The following SUFU variants were observed in gnomAD, a reference collection of about 807,000 sequenced individuals.
SUFU encodes SUFU negative regulator of hedgehog signaling, also known as suppressor of fused homolog.
A neutral mutation model predicts 58.9 loss-of-function variants in SUFU; 7 were observed. That is an observed-to-expected ratio of 0.12 (90% CI 0.07 to 0.22). The LOEUF (loss-of-function observed/expected upper bound fraction) is 0.22, where lower values mean the gene tolerates loss of function less well. SUFU is among the 10% of genes least tolerant of loss of function. The probability of loss-of-function intolerance (pLI) is 1.00; values close to 1 mark genes in which losing one functional copy is unlikely to be tolerated. For missense variants in SUFU, 451 were observed against 641.3 expected (o/e 0.70, Z 3.20); for synonymous variants, 232 against 254.8 (o/e 0.91, Z 0.85).
At position 102,615,340 on chromosome 10, in the gene SUFU, G is replaced by A. The variant is rs2135930220; in HGVS notation, c.1095G>A (p.Gln365=). 6.2e-7 allele frequency: 1 copy of A among 1,614,170 alleles called. No individual in the cohort carries two copies. Among genetic ancestry groups the A allele is most frequent in the Non-Finnish European group, 8.5e-7 (1 of 1,180,010 alleles). ...CCCATGAGCTGATTCGCACGCGGCA[G>A]CTTGAGAGCGTACATCTGAAATTCA... ...IIPHELIRTR[Q]LESVHLKFNQ... is the part of the protein sequence containing the mutation. Residue 365 remains glutamine (Q), a synonymous_variant, in exon 9 of 12, where the codon CAG becomes CAA. Transcript: ENST00000369902.
intron 2 of SUFU, among the ~76,000 whole-genome samples, chr10:102,519,396 G>A (rs1160649876): frequency 6.6e-5 from 10 of 150,770 alleles, no homozygotes; most frequent in East Asian, 2.0e-4. Flanking sequence ...GCCTGTTGGC[G>A]GGCACCTGTA....
intron 7 of SUFU, 77 bp downstream of exon 7, chr10:102,597,370 A>C: frequency 6.6e-7 from 1 of 1,524,570 alleles, no homozygotes; most frequent in Non-Finnish European, 8.8e-7. Context: ...TCTCTCTAGG[A>C]TGGGTCTCTA....
At chr10:102,613,423 C>T (rs2063646810) in intron 8 of SUFU, among the ~76,000 whole-genome samples, 1 of 152,232 alleles carries the variant, frequency 6.6e-6, no homozygotes, top group Non-Finnish European at 1.5e-5. Context: ...GCACGTCTAA[C>T]CCACTGCCGC....
intron 2 of SUFU, among the ~76,000 whole-genome samples, chr10:102,539,251 G>C (rs2062773531): frequency 6.6e-6 from 1 of 152,144 alleles, no homozygotes; most frequent in African/African-American, 2.4e-5. Flanking sequence ...GAAGAGTACA[G>C]GTCAGTTATT....
chr10:102,518,462 G>GT (rs956149290), intron 2 of SUFU, among the ~76,000 whole-genome samples: 6 of 152,162 alleles, frequency 3.9e-5, no homozygotes, highest in Non-Finnish European at 8.8e-5. Flanking sequence ...AAAGTGCTTT[G>GT]TGGGGGGAAA....
At chr10:102,551,717 CT>C (rs771685480) in intron 3 of SUFU, among the ~76,000 whole-genome samples, 596 of 68,752 alleles carry the variant, frequency 8.7e-3, no homozygotes, top group African/African-American at 0.03. Flanking sequence ...TATGTGCCTT[CT>C]TTTTTTTTTT....
rs535588066 is a variant in SUFU at position 102,619,504 on chromosome 10, C to T, written c.1296+2076C>T. On this transcript the variant is annotated intron_variant, in intron 10 of 11. Transcript: ENST00000369902. This position sits in a 1 kb window ranked among gnomAD's most constrained non-coding sequence, Gnocchi z 4.2. ...ATGGGCTCATTAGTGTGGTCCACCACGGGGCCGGCTCACAGGAGAGCTCCT... is the reference window on the plus strand; with the variant it reads ...ATGGGCTCATTAGTGTGGTCCACCATGGGGCCGGCTCACAGGAGAGCTCCT... 1.1e-5 allele frequency: 13 copies of T among 1,133,962 alleles called. No homozygotes were observed. The highest frequency in any genetic ancestry group is 8.9e-5 in the Admixed American group (2 of 22,402). The allele number at this position is 1,133,962 out of a possible 1,614,324, so 70.2% of individuals were successfully genotyped here. A position where few individuals can be genotyped will look rare whatever the true frequency, so the allele number is the denominator to read the frequency against.
rs2135743325 is a variant in SUFU, at chr10:102,550,049, C to T, written c.397C>T (p.Pro133Ser). 6.2e-7 allele frequency: 1 copy of T among 1,614,172 alleles called. No homozygotes were observed. Among genetic ancestry groups the T allele is most frequent in the Non-Finnish European group, 8.5e-7 (1 of 1,180,034 alleles). Residue 133 changes from proline to serine, a missense_variant, in exon 3 of 12, where the codon CCA (proline) becomes TCA (serine). Pro to Ser is a moderately conservative substitution (Grantham distance 74). Transcript: ENST00000369902. ...GAAGAGAGAAACTGGGGAGTCTGCCCCACCAACATGGCCCGCAGAGTTAAT... is the reference window on the plus strand; with the variant it reads ...GAAGAGAGAAACTGGGGAGTCTGCCTCACCAACATGGCCCGCAGAGTTAAT... ...RLKRETGESA[P>S]PTWPAELMQG...
At chr10:102,607,308 C>T (rs2063571358) in intron 8 of SUFU, among the ~76,000 whole-genome samples, 1 of 152,138 alleles carries the variant, frequency 6.6e-6, no homozygotes. Flanking sequence ...CCCGGCCTCC[C>T]AAAGTGCTGG....
chr10:102,605,913 G>A (rs1218826642), intron 8 of SUFU, among the ~76,000 whole-genome samples: 4 of 152,190 alleles, frequency 2.6e-5, no homozygotes, highest in Non-Finnish European at 5.9e-5. Flanking sequence ...GCCCCAAGTC[G>A]TGTGTCCACT....
At chr10:102,539,501 TA>T (rs545306069) in intron 2 of SUFU, among the ~76,000 whole-genome samples, 198 of 152,326 alleles carry the variant, frequency 1.3e-3, no homozygotes, top group Non-Finnish European at 2.4e-3. Context: ...CATTAATAAT[TA>T]ATAAGTAACT....
chr10:102,537,691 T>TA (rs2062756965), intron 2 of SUFU, among the ~76,000 whole-genome samples: 2 of 152,342 alleles, frequency 1.3e-5, no homozygotes, highest in African/African-American at 4.8e-5. Context: ...TCACTTAGCA[T>TA]AATGTCTTCA....
chr10:102,530,676 A>G (rs1312721125), intron 2 of SUFU, among the ~76,000 whole-genome samples: 2 of 149,792 alleles, frequency 1.3e-5, no homozygotes, highest in East Asian at 4.0e-4. Flanking sequence ...CTGGTCTTGA[A>G]CTCCTGGGCT....
At chr10:102,609,462 A>G (rs758438738) in intron 8 of SUFU, among the ~76,000 whole-genome samples, 2 of 152,240 alleles carry the variant, frequency 1.3e-5, no homozygotes, top group Non-Finnish European at 2.9e-5. Context: ...AGGGTCAAGA[A>G]AAGCTGAAAC....
chr10:102,619,284 A>G lies in SUFU; in HGVS notation c.1296+1856A>G. 6.9e-7 allele frequency: 1 copy of G among 1,445,650 alleles called. No individual in the cohort carries two copies. The highest frequency in any genetic ancestry group is 1.4e-5 in the South Asian group (1 of 70,112). The allele number at this position is 1,445,650 out of a possible 1,614,324, so 89.6% of individuals were successfully genotyped here. On this transcript the variant is annotated intron_variant, in intron 10 of 11. Transcript: ENST00000369902. This position sits in a 1 kb window ranked among gnomAD's most constrained non-coding sequence, Gnocchi z 4.2. ...CCTAGCTGCCGGGGTTCCCACTCCC[A>G]GTGCCACAACCCCCTCACCTCCCTG...
At chr10:102,508,281 GA>G (rs950385296) in intron 1 of SUFU, among the ~76,000 whole-genome samples, 44 of 151,992 alleles carry the variant, frequency 2.9e-4, no homozygotes, top group Admixed American at 5.9e-4. Context: ...GCCAAAACAG[GA>G]TTTTTTTTAA....
At chr10:102,608,270 A>G (rs764830653) in intron 8 of SUFU, among the ~76,000 whole-genome samples, 3 of 152,180 alleles carry the variant, frequency 2.0e-5, no homozygotes, top group Non-Finnish European at 4.4e-5. Context: ...AATCATCTAC[A>G]GAGGTGACAG....
chr10:102,589,547 G>A (rs576492578), intron 3 of SUFU, among the ~76,000 whole-genome samples: 9 of 135,594 alleles, frequency 6.6e-5, no homozygotes, highest in Admixed American at 1.7e-4. Flanking sequence ...CCAGATTCAA[G>A]CAATCCTCCT....
In SUFU at chr10:102,631,382, C is replaced by G. The variant is rs1407402389; in HGVS notation, c.*1227C>G. 1 of 233,536 alleles carries G rather than the reference C, an allele frequency of 4.3e-6. No homozygotes were observed. Among genetic ancestry groups the G allele is most frequent in the Non-Finnish European group, 8.5e-6 (1 of 118,334 alleles). 14.5% of individuals were successfully genotyped at this position (233,536 alleles called of 1,614,324 possible). On this transcript the variant is annotated 3_prime_UTR_variant, in exon 12 of 12. Transcript: ENST00000369902. ...CCTCAGCCCCTCACCCCCAGTACTG[C>G]AGATCTCACAGTTTGCCTTCCAGAA...
Sources: gnomAD v4.1 joint callset for allele counts (sites outside exome capture counted in the v4.1 genomes callset) on GRCh38, gnomAD v4.1.1 for gene constraint, Gnocchi (gnomAD v3.1) non-coding constraint, MANE v1.5 for transcripts, NCBI Gene and HGNC (gene_info 2026-07-23, HGNC 2026-07-21) for gene names.